PHF21B: variants seen among roughly 807,000 people sequenced by gnomAD.
PHF21B encodes the protein PHD finger protein 4.
Under a neutral mutation model 62.2 loss-of-function variants are expected in PHF21B, and 22 were observed. The observed-to-expected ratio is 0.35, with a 90% CI of 0.25 to 0.51. PHF21B has a LOEUF of 0.51. Ranked by LOEUF, PHF21B falls within the 20% of genes least tolerant of loss-of-function variation. The probability of loss-of-function intolerance (pLI) is 0.97; values close to 1 mark genes in which losing one functional copy is unlikely to be tolerated. For synonymous variants in PHF21B, 341 were observed against 314.7 expected, an observed-to-expected ratio of 1.08 and a Z score of -0.88; for missense variants, 701 against 707.9, an observed-to-expected ratio of 0.99 and a Z score of 0.11.
At chr22:44,987,765 CCT>C (rs67730231) in intron 2 of PHF21B, among the ~76,000 whole-genome samples, 129,938 of 146,714 alleles carry the variant, frequency 0.89, 57,542 homozygotes, top group Middle Eastern at 0.92. Flanking sequence ...TCTCTCGTCT[CCT>C]CTCTCTCTCT....
At chr22:44,979,735 T>C (rs1328130748) in intron 2 of PHF21B, among the ~76,000 whole-genome samples, 1 of 152,218 alleles carries the variant, frequency 6.6e-6, no homozygotes, top group Non-Finnish European at 1.5e-5. Context: ...GCTTTCAAAA[T>C]GTCTTGTTGT....
chr22:44,888,331 C>A (rs1362591933), intron 9 of PHF21B, among the ~76,000 whole-genome samples: 1 of 152,160 alleles, frequency 6.6e-6, no homozygotes, highest in Non-Finnish European at 1.5e-5. Flanking sequence ...GGGGGGGCAC[C>A]CACAGGGCCA....
intron 2 of PHF21B, among the ~76,000 whole-genome samples, chr22:44,951,280 G>A (rs1288065599): frequency 1.3e-5 from 2 of 152,166 alleles, no homozygotes; most frequent in African/African-American, 4.8e-5. Flanking sequence ...CATAAGGAGT[G>A]CACAGCCTAG....
At chr22:44,994,889 C>T (rs1878117975) in intron 2 of PHF21B, among the ~76,000 whole-genome samples, 1 of 152,230 alleles carries the variant, frequency 6.6e-6, no homozygotes, top group African/African-American at 2.4e-5. Flanking sequence ...TTGGGGAGCG[C>T]CAGGGCGAGA....
chr22:44,927,268 T>A lies in PHF21B; in HGVS notation c.121-6778A>T, dbSNP rs548066327. On this transcript the variant is annotated intron_variant, in intron 2 of 12. Transcript: ENST00000313237. ...CAGGAGGCCGGCAACAAACAGTGCCTGGCCATGCGTGTCCCCCCAAAACTC... is the reference window on the plus strand; with the variant it reads ...CAGGAGGCCGGCAACAAACAGTGCCAGGCCATGCGTGTCCCCCCAAAACTC... Among the ~76,000 whole-genome samples, 14 of 151,796 alleles carry A rather than the reference T, an allele frequency of 9.2e-5. No homozygotes were observed. In the East Asian group the frequency reaches 2.5e-3, roughly 27 times the overall value.
At chr22:44,922,193 C>A (rs1195746977) in intron 2 of PHF21B, among the ~76,000 whole-genome samples, 1 of 152,218 alleles carries the variant, frequency 6.6e-6, no homozygotes, top group African/African-American at 2.4e-5. Flanking sequence ...TGCAGGGCTG[C>A]TTTGCCATTT....
At chr22:44,913,676 A>T (rs575631736) in intron 5 of PHF21B, 146 bp downstream of exon 5, 2 of 1,209,414 alleles carry the variant, frequency 1.7e-6, no homozygotes, top group Non-Finnish European at 1.1e-6. Context: ...GCGAGGCCCC[A>T]TCCTGGTCGC....
intron 2 of PHF21B, among the ~76,000 whole-genome samples, chr22:44,943,208 A>C (rs2071995990): frequency 6.6e-6 from 1 of 152,082 alleles, no homozygotes; most frequent in Non-Finnish European, 1.5e-5. Flanking sequence ...TGGAGAAAAG[A>C]GCTGCCTGTA....
chr22:44,990,445 C>T (rs557333763), intron 2 of PHF21B, among the ~76,000 whole-genome samples: 35 of 152,180 alleles, frequency 2.3e-4, no homozygotes, highest in Middle Eastern at 3.4e-3. Context: ...ATAAACAGCA[C>T]GGAGTACGTG....
intron 2 of PHF21B, among the ~76,000 whole-genome samples, chr22:44,944,291 C>T (rs1204960200): frequency 6.6e-6 from 1 of 152,214 alleles, no homozygotes; most frequent in Non-Finnish European, 1.5e-5. Context: ...AGGTTCCTTT[C>T]CACGTGCATC....
chr22:44,928,416 G>C (rs951604159), intron 2 of PHF21B, among the ~76,000 whole-genome samples: 3 of 152,046 alleles, frequency 2.0e-5, no homozygotes, highest in African/African-American at 7.2e-5. Context: ...CCCATGAAAG[G>C]AACTTTTTTT....
In PHF21B at chr22:44,895,675, G is replaced by A. The variant is rs113325769; in HGVS notation, c.883+357C>T. 5.0e-3 allele frequency among the ~76,000 whole-genome samples: 755 copies of A among 152,284 alleles called. 5 individuals are homozygous for A. The highest frequency in any genetic ancestry group is 0.017 in the African/African-American group (721 of 41,550). On this transcript the variant is annotated intron_variant, in intron 6 of 12. Coordinates refer to ENST00000313237, the MANE Select transcript of PHF21B (RefSeq NM_138415.5). ...GCAGTCTGCCTCTTGTCATTTCCCT[G>A]TGTTGAGAGCAGGGAGCCCACACGG...
intron 2 of PHF21B, among the ~76,000 whole-genome samples, chr22:44,948,760 A>C (rs2072130567): frequency 6.6e-6 from 1 of 152,086 alleles, no homozygotes; most frequent in Non-Finnish European, 1.5e-5. Flanking sequence ...ACATGGAAGC[A>C]GGCTTTTCAG....
At chr22:44,898,960 G>T (rs2071107764) in intron 5 of PHF21B, among the ~76,000 whole-genome samples, 1 of 152,070 alleles carries the variant, frequency 6.6e-6, no homozygotes, top group African/African-American at 2.4e-5. Context: ...ATCTATTTGG[G>T]TCTATTTCTG....
intron 6 of PHF21B, among the ~76,000 whole-genome samples, 158 bp downstream of exon 6, chr22:44,895,874 C>T (rs1030806166): frequency 1.3e-5 from 2 of 152,182 alleles, no homozygotes; most frequent in Non-Finnish European, 2.9e-5. Context: ...CCATCCGAGC[C>T]GGGACATCCT....
intron 5 of PHF21B, among the ~76,000 whole-genome samples, chr22:44,908,049 G>C (rs570170061): frequency 3.0e-4 from 45 of 152,324 alleles, no homozygotes; most frequent in African/African-American, 1.0e-3. Context: ...CTGTAAGTGG[G>C]AAAATCAGGG....
intron 2 of PHF21B, among the ~76,000 whole-genome samples, chr22:44,986,051 TACC>T (rs1373799807): frequency 1.2e-5 from 1 of 85,938 alleles, no homozygotes; most frequent in Non-Finnish European, 2.6e-5. Context: ...CCACCACCAC[TACC>T]ATCACAATGA....
At chr22:44,938,472 G>C (rs1446621781) in intron 2 of PHF21B, among the ~76,000 whole-genome samples, 1 of 152,192 alleles carries the variant, frequency 6.6e-6, no homozygotes, top group South Asian at 2.1e-4. Context: ...ATCTCAAGTG[G>C]TCCGCCTGCC....
intron 2 of PHF21B, among the ~76,000 whole-genome samples, chr22:44,931,273 G>A (rs929553577): frequency 2.6e-5 from 4 of 152,214 alleles, no homozygotes; most frequent in Middle Eastern, 6.8e-3. Context: ...GTCTCGCTCC[G>A]AGGCAATTCT....
Sources: allele counts gnomAD v4.1 joint callset (sites outside exome capture counted in the v4.1 genomes callset), GRCh38; gene constraint gnomAD v4.1.1; transcripts MANE v1.5; gene names NCBI Gene and HGNC (gene_info 2026-07-23, HGNC 2026-07-21).